The following ATP8A2 variants were observed in gnomAD, a reference collection of about 807,000 sequenced individuals.
ATP8A2 encodes the protein phospholipid-transporting ATPase IB.
Under a neutral mutation model 165.6 loss-of-function variants are expected in ATP8A2, and 100 were observed. That is an observed-to-expected ratio of 0.60 (90% CI 0.51 to 0.71). The LOEUF is 0.71. ATP8A2 is among the 30% of genes least tolerant of loss of function. The pLI is 0.00. For synonymous variants in ATP8A2, 543 were observed against 548.8 expected (o/e 0.99, Z 0.15); for missense variants, 1,227 against 1,479.5 (o/e 0.83, Z 2.80).
intron 1 of ATP8A2, among the ~76,000 whole-genome samples, chr13:25,440,417 A>T (rs1006597936): frequency 6.6e-6 from 1 of 151,996 alleles, no homozygotes; most frequent in African/African-American, 2.4e-5. Context: ...TCTACCATCC[A>T]TCCTACGTTA....
chr13:25,650,377 A>C (rs1036023092), intron 24 of ATP8A2, among the ~76,000 whole-genome samples: 21 of 152,118 alleles, frequency 1.4e-4, no homozygotes, highest in African/African-American at 5.1e-4. Flanking sequence ...CTCTTTGTAC[A>C]TTAGTTTTGT....
chr13:25,780,391 G>A (rs986584351), intron 27 of ATP8A2, among the ~76,000 whole-genome samples: 7 of 151,998 alleles, frequency 4.6e-5, no homozygotes, highest in South Asian at 4.2e-4. Flanking sequence ...GTTTTCTTGG[G>A]GGTGATTAAA....
At chr13:25,927,018 C>T (rs1954626157) in intron 33 of ATP8A2, 1 of 410,846 alleles carries the variant, frequency 2.4e-6, no homozygotes, top group South Asian at 1.7e-5. Flanking sequence ...CCTCCCGCTC[C>T]TTCTCCTTGC....
intron 35 of ATP8A2, among the ~76,000 whole-genome samples, chr13:25,999,381 G>A (rs1443210210): frequency 6.6e-6 from 1 of 152,080 alleles, no homozygotes; most frequent in African/African-American, 2.4e-5. Flanking sequence ...CCTGTCTTCT[G>A]AACACCTCAG....
chr13:25,827,759 G>A (rs2296002), intron 27 of ATP8A2, among the ~76,000 whole-genome samples: 15 of 152,252 alleles, frequency 9.9e-5, no homozygotes, highest in Middle Eastern at 3.4e-3. Context: ...AAGACACATC[G>A]TATTTCTCAA....
intron 25 of ATP8A2, among the ~76,000 whole-genome samples, chr13:25,707,765 A>G (rs2043082389): frequency 6.6e-6 from 1 of 152,192 alleles, no homozygotes; most frequent in African/African-American, 2.4e-5. Flanking sequence ...TAGTAGACCT[A>G]CTTTTCCTAA....
At chr13:25,447,009 C>T (rs2035087811) in intron 1 of ATP8A2, among the ~76,000 whole-genome samples, 1 of 152,106 alleles carries the variant, frequency 6.6e-6, no homozygotes, top group Admixed American at 6.6e-5. Context: ...GCATGAACCA[C>T]CACACCTGGC....
intron 24 of ATP8A2, among the ~76,000 whole-genome samples, chr13:25,634,759 T>A (rs1487807213): frequency 6.6e-6 from 1 of 152,178 alleles, no homozygotes; most frequent in Non-Finnish European, 1.5e-5. Flanking sequence ...TTCACTTGCC[T>A]TCTCTAAATC....
chr13:26,013,161 G>A (rs532046670), intron 36 of ATP8A2, among the ~76,000 whole-genome samples: 1 of 151,860 alleles, frequency 6.6e-6, no homozygotes, highest in Non-Finnish European at 1.5e-5. Context: ...GGAGCTCATG[G>A]GCTTGTTTTT....
intron 2 of ATP8A2, among the ~76,000 whole-genome samples, chr13:25,474,287 C>A (rs544958480): frequency 6.6e-6 from 1 of 152,168 alleles, no homozygotes; most frequent in Non-Finnish European, 1.5e-5. Flanking sequence ...CAGGGCCAGG[C>A]GCAGTGGCTC....
intron 25 of ATP8A2, among the ~76,000 whole-genome samples, chr13:25,724,459 G>A (rs2043450801): frequency 6.6e-6 from 1 of 152,214 alleles, no homozygotes; most frequent in Non-Finnish European, 1.5e-5. Context: ...ATGATGGCCT[G>A]AGGGCCTGAA....
At chr13:25,544,766 A>G (rs901021385) in intron 10 of ATP8A2, among the ~76,000 whole-genome samples, 4 of 152,080 alleles carry the variant, frequency 2.6e-5, no homozygotes, top group African/African-American at 9.7e-5. Flanking sequence ...AAGATGCGAT[A>G]ATGATGAAGC....
intron 1 of ATP8A2, among the ~76,000 whole-genome samples, chr13:25,467,176 A>G (rs1276559638): frequency 1.3e-5 from 2 of 152,152 alleles, no homozygotes; most frequent in African/African-American, 4.8e-5. Flanking sequence ...GAGATGAGGG[A>G]TCCTGTCTGA....
chr13:25,638,511 T>C (rs975992492), intron 24 of ATP8A2, among the ~76,000 whole-genome samples: 10 of 152,102 alleles, frequency 6.6e-5, no homozygotes, highest in African/African-American at 2.4e-4. Context: ...GTATCAGTGA[T>C]TGAAGATCAA....
At chr13:25,443,414 T>C (rs751339443) in intron 1 of ATP8A2, among the ~76,000 whole-genome samples, 10 of 152,176 alleles carry the variant, frequency 6.6e-5, no homozygotes, top group African/African-American at 1.4e-4. Context: ...AGAAACTCTG[T>C]CTGACAAAGT....
intron 10 of ATP8A2, among the ~76,000 whole-genome samples, chr13:25,547,412 G>A (rs576571386): frequency 1.7e-4 from 26 of 152,106 alleles, no homozygotes; most frequent in African/African-American, 5.1e-4. Flanking sequence ...TCATAGGAGC[G>A]TGAACTCTGT....
chr13:25,544,046 T>C (rs1395427420), intron 10 of ATP8A2, among the ~76,000 whole-genome samples: 2 of 152,262 alleles, frequency 1.3e-5, no homozygotes, highest in African/African-American at 4.8e-5. Context: ...GAGAATTGGC[T>C]TTTCAGCTTG....
chr13:25,652,872 T>C (rs78396536), intron 24 of ATP8A2, among the ~76,000 whole-genome samples: 5,243 of 152,274 alleles, frequency 0.034, 155 homozygotes, highest in East Asian at 0.13. Context: ...GGAATGTTCT[T>C]CATCACTGCC....
intron 33 of ATP8A2, among the ~76,000 whole-genome samples, chr13:25,933,163 G>T (rs1309131717): frequency 6.6e-6 from 1 of 152,152 alleles, no homozygotes; most frequent in African/African-American, 2.4e-5. Context: ...CCTGTGTGTG[G>T]ATTTTTATTC....
Sources: allele counts gnomAD v4.1 joint callset (sites outside exome capture counted in the v4.1 genomes callset), GRCh38; gene constraint gnomAD v4.1.1; transcripts MANE v1.5; gene names NCBI Gene and HGNC (gene_info 2026-07-23, HGNC 2026-07-21).